Variants in DOK6 observed in about 807,000 individuals in gnomAD.
DOK6 encodes docking protein 6.
A neutral mutation model predicts 44.0 loss-of-function variants in DOK6; 22 were observed. The observed-to-expected ratio is 0.50, with a 90% confidence interval of 0.36 to 0.71. DOK6 has a LOEUF of 0.71. Ranked by LOEUF, DOK6 falls within the 30% of genes least tolerant of loss-of-function variation. The pLI is 0.00. For synonymous variants in DOK6, 166 were observed against 145.5 expected, an observed-to-expected ratio of 1.14 and a Z score of -1.01; for missense variants, 340 against 416.4, an observed-to-expected ratio of 0.82 and a Z score of 1.60.
chr18:69,541,548 A>G (rs1471386421), intron 1 of DOK6, among the ~76,000 whole-genome samples: 1 of 151,650 alleles, frequency 6.6e-6, no homozygotes, highest in East Asian at 1.9e-4. Context: ...GTTTGAAATA[A>G]TCGATACTGG....
Position 69,847,797 on chromosome 18 carries a change from TAG to T in DOK6, c.*6417_*6418del, listed in dbSNP as rs1982380209. 2.0e-5 allele frequency: 3 copies of T among 151,234 alleles called. No individual in the cohort carries two copies. Among genetic ancestry groups the T allele is most frequent in the South Asian group, 4.2e-4 (2 of 4,792 alleles). The allele number at this position is 151,234 out of a possible 1,614,324, so 9.4% of individuals were successfully genotyped here. A position where few individuals can be genotyped will look rare whatever the true frequency, so the allele number is the denominator to read the frequency against. On this transcript the variant is annotated 3_prime_UTR_variant, in exon 8 of 8. Transcript: ENST00000382713. ...AAATATATATATATGTATCAGCAGG[TAG>T]AGTGTGGGAGCTCCAACTTTGTTGT...
At chr18:69,691,033 A>C (rs1427227628) in intron 4 of DOK6, among the ~76,000 whole-genome samples, 2 of 151,938 alleles carry the variant, frequency 1.3e-5, no homozygotes, top group Non-Finnish European at 2.9e-5. Context: ...AAAAATTCAA[A>C]CATTAGCTGG....
At chr18:69,518,543 A>G (rs4580289) in intron 1 of DOK6, among the ~76,000 whole-genome samples, 63,545 of 152,004 alleles carry the variant, frequency 0.42, 13,996 homozygotes, top group Non-Finnish European at 0.49. Flanking sequence ...TTGCCTGAAG[A>G]CATCAGTAGG....
chr18:69,672,441 C>T (rs1985820342), intron 3 of DOK6, among the ~76,000 whole-genome samples: 1 of 152,246 alleles, frequency 6.6e-6, no homozygotes, highest in East Asian at 1.9e-4. Flanking sequence ...TCACCGCAAG[C>T]TCCGCCTCCT....
chr18:69,736,230 T>C (rs1007355034), intron 5 of DOK6, among the ~76,000 whole-genome samples: 10 of 152,222 alleles, frequency 6.6e-5, no homozygotes, highest in East Asian at 1.9e-4. Context: ...TACATTTATA[T>C]GACAGGCTAG....
intron 7 of DOK6, among the ~76,000 whole-genome samples, chr18:69,812,777 G>A (rs899822506): frequency 3.9e-5 from 6 of 152,080 alleles, no homozygotes; most frequent in Admixed American, 3.9e-4. Context: ...GAAGGTGAAG[G>A]GGAATCAAGG....
rs148327630 is a variant in DOK6, at chr18:69,458,744, C to A, written c.66+57434C>A. On this transcript the variant is annotated intron_variant, in intron 1 of 7. Transcript: ENST00000382713. Reference sequence around the variant, plus strand: ...GTAGCATTTCTATACACCAATAATGCCCAGACTGAGAATCAAATCAAGAAC... The same window carrying A: ...GTAGCATTTCTATACACCAATAATGACCAGACTGAGAATCAAATCAAGAAC... Among the ~76,000 whole-genome samples the A allele has an allele frequency of 6.6e-5, 10 of 152,062 alleles. No homozygotes were observed. The East Asian group carries it at 1.9e-3, about 29-fold the overall frequency.
At chr18:69,756,904 A>G (rs1221121879) in intron 6 of DOK6, among the ~76,000 whole-genome samples, 3 of 152,262 alleles carry the variant, frequency 2.0e-5, no homozygotes. Flanking sequence ...ATTGTCTGTC[A>G]AAAAGTAAAC....
intron 2 of DOK6, among the ~76,000 whole-genome samples, chr18:69,587,573 G>A (rs1260205579): frequency 6.6e-6 from 1 of 152,132 alleles, no homozygotes; most frequent in Non-Finnish European, 1.5e-5. Flanking sequence ...AGGACCCGCT[G>A]TGCAACCCAT....
At chr18:69,478,028 G>T (rs1215772857) in intron 1 of DOK6, among the ~76,000 whole-genome samples, 1 of 152,106 alleles carries the variant, frequency 6.6e-6, no homozygotes, top group Non-Finnish European at 1.5e-5. Context: ...TTTCTTTTAA[G>T]ATACAGAAAA....
At chr18:69,685,585 A>C (rs1452907670) in intron 4 of DOK6, among the ~76,000 whole-genome samples, 1 of 152,236 alleles carries the variant, frequency 6.6e-6, no homozygotes, top group Non-Finnish European at 1.5e-5. Flanking sequence ...GGGCTCACCC[A>C]CACCTACAAA....
chr18:69,796,497 T>G (rs1980748842), intron 7 of DOK6, among the ~76,000 whole-genome samples: 1 of 152,216 alleles, frequency 6.6e-6, no homozygotes, highest in African/African-American at 2.4e-5. Context: ...TCTTTGATGG[T>G]ACTTTGTCAG....
chr18:69,768,785 G>A (rs1303191756), intron 7 of DOK6, among the ~76,000 whole-genome samples: 2 of 151,822 alleles, frequency 1.3e-5, no homozygotes, highest in African/African-American at 4.8e-5. Context: ...TGGTGGGCAG[G>A]TGTGAAGAAC....
intron 1 of DOK6, among the ~76,000 whole-genome samples, chr18:69,481,366 C>T (rs980667255): frequency 4.0e-5 from 6 of 149,866 alleles, no homozygotes; most frequent in African/African-American, 1.5e-4. Context: ...AATGCTATCC[C>T]TACCCCCTAC....
At chr18:69,570,996 A>G (rs1983101928) in intron 2 of DOK6, among the ~76,000 whole-genome samples, 1 of 152,088 alleles carries the variant, frequency 6.6e-6, no homozygotes, top group African/African-American at 2.4e-5. Context: ...AATTATAAAT[A>G]TATAGGTAAA....
intron 5 of DOK6, among the ~76,000 whole-genome samples, chr18:69,724,183 G>A (rs1273657171): frequency 1.3e-5 from 2 of 152,054 alleles, no homozygotes; most frequent in Admixed American, 1.3e-4. Flanking sequence ...AAAAAATAGT[G>A]GGAATTATAT....
chr18:69,522,983 T>C (rs1981729798), intron 1 of DOK6, among the ~76,000 whole-genome samples: 2 of 152,106 alleles, frequency 1.3e-5, no homozygotes, highest in African/African-American at 4.8e-5. Context: ...CATTAAGGGA[T>C]AGCTATTTCC....
chr18:69,837,261 T>C (rs1204284795), intron 7 of DOK6, among the ~76,000 whole-genome samples: 2 of 152,090 alleles, frequency 1.3e-5, no homozygotes, highest in East Asian at 1.9e-4. Context: ...TCTAGTGAGG[T>C]CCTTCTTCTT....
At chr18:69,764,832 G>A (rs1488312326) in intron 7 of DOK6, among the ~76,000 whole-genome samples, 1 of 151,996 alleles carries the variant, frequency 6.6e-6, no homozygotes, top group Non-Finnish European at 1.5e-5. Flanking sequence ...CATTTGTAAA[G>A]GTCGTAGCTT....
Sources: gnomAD v4.1 joint callset for allele counts (sites outside exome capture counted in the v4.1 genomes callset) on GRCh38, gnomAD v4.1.1 for gene constraint, MANE v1.5 for transcripts, NCBI Gene and HGNC (gene_info 2026-07-23, HGNC 2026-07-21) for gene names.